The following NDRG1 variants were observed in gnomAD, a reference collection of about 807,000 sequenced individuals.
NDRG1 encodes N-myc downstream regulated 1, also known as protein NDRG1.
A neutral mutation model predicts 56.9 loss-of-function variants in NDRG1; 32 were observed. The ratio of observed to expected loss-of-function variants is 0.56; its 90% CI spans 0.42 to 0.76. The LOEUF is 0.76. Ranked by LOEUF, NDRG1 falls within the 30% of genes least tolerant of loss-of-function variation. The probability of loss-of-function intolerance (pLI) is 0.00; values close to 1 mark genes in which losing one functional copy is unlikely to be tolerated. For missense variants in NDRG1, 507 were observed against 545.7 expected, an observed-to-expected ratio of 0.93 and a Z score of 0.71; for synonymous variants, 211 against 204.1, an observed-to-expected ratio of 1.03 and a Z score of -0.29.
chr8:133,238,911 G>A lies in NDRG1; in HGVS notation c.1152C>T (p.Ser384=), dbSNP rs863224413. 8.7e-5 allele frequency: 135 copies of A among 1,559,838 alleles called. 1 individual carries two copies. The highest frequency in any genetic ancestry group is 1.1e-4 in the Non-Finnish European group (126 of 1,152,586). ...ITPNSGAAGN[S]AGPKSMEVSC ...AGACCTCCATGGACTTGGGCCCGGC[G>A]CTGTTCCCAGCAGCACCCGAGTTGG... The change falls in exon 16 of 16, where the codon AGC becomes AGT. Residue 384 remains serine (S), a synonymous_variant. Coordinates refer to ENST00000323851, the MANE Select transcript of NDRG1 (RefSeq NM_006096.4).
chr8:133,262,760 G>A (rs1256692212), intron 4 of NDRG1, among the ~76,000 whole-genome samples: 1 of 152,150 alleles, frequency 6.6e-6, no homozygotes, highest in Non-Finnish European at 1.5e-5. Flanking sequence ...GCAGCCATGT[G>A]ATCTGTTTCT....
intron 3 of NDRG1, among the ~76,000 whole-genome samples, chr8:133,275,907 T>C (rs746543327): frequency 6.6e-6 from 1 of 152,240 alleles, no homozygotes; most frequent in Non-Finnish European, 1.5e-5. Context: ...TCGGCAGTGC[T>C]GAGCTATTAT....
intron 5 of NDRG1, 62 bp from the exon 6 acceptor site, chr8:133,259,292 G>C: frequency 6.5e-7 from 1 of 1,530,522 alleles, no homozygotes; most frequent in East Asian, 2.2e-5. Context: ...ATCCAAACAG[G>C]GACACGCTTG....
intron 8 of NDRG1, chr8:133,255,290 A>C (rs1487579880): frequency 2.2e-6 from 1 of 456,284 alleles, no homozygotes; most frequent in East Asian, 6.9e-5. Context: ...CAGACTTCTA[A>C]TCTGGAACTG....
intron 6 of NDRG1, among the ~76,000 whole-genome samples, chr8:133,258,798 G>A (rs1856517675): frequency 6.6e-6 from 1 of 152,310 alleles, no homozygotes; most frequent in African/African-American, 2.4e-5. Flanking sequence ...AAGAGCTCAA[G>A]ACAGAGAGGA....
intron 3 of NDRG1, among the ~76,000 whole-genome samples, chr8:133,274,140 G>A (rs1477018928): frequency 6.6e-6 from 1 of 152,120 alleles, no homozygotes; most frequent in Non-Finnish European, 1.5e-5. Context: ...ACATCACCCA[G>A]GACAAAACAA....
chr8:133,271,541 T>C (rs764677443), intron 3 of NDRG1, among the ~76,000 whole-genome samples: 6 of 151,832 alleles, frequency 4.0e-5, no homozygotes, highest in Non-Finnish European at 8.8e-5. Flanking sequence ...GTAACAAACA[T>C]AGGCTAGGTG....
At chr8:133,240,033 G>A (rs1855294242) in intron 15 of NDRG1, 1 of 152,376 alleles carries the variant, frequency 6.6e-6, no homozygotes. Context: ...GCAGCCACAA[G>A]CCACATAAAG....
At chr8:133,293,073 C>A (rs1858515059) in intron 1 of NDRG1, among the ~76,000 whole-genome samples, 1 of 152,128 alleles carries the variant, frequency 6.6e-6, no homozygotes, top group East Asian at 1.9e-4. Context: ...CCCGAGGGAG[C>A]CCAGGTTTCT....
At chr8:133,291,063 G>C (rs1290404477) in intron 1 of NDRG1, among the ~76,000 whole-genome samples, 1 of 152,118 alleles carries the variant, frequency 6.6e-6, no homozygotes, top group Admixed American at 6.5e-5. Context: ...CATTCCCTCG[G>C]GGGAGGGCGG....
intron 9 of NDRG1, 142 bp downstream of exon 9, chr8:133,254,397 C>T (rs1856251907): frequency 2.8e-6 from 2 of 707,626 alleles, no homozygotes; most frequent in South Asian, 1.9e-5. Context: ...TGAATAATGT[C>T]ACATTATCTC....
rs543073378 is a variant in NDRG1, at chr8:133,248,695, G to C, written c.755+20C>G. 1 of 1,614,166 alleles carries C rather than the reference G, an allele frequency of 6.2e-7. No individual in the cohort carries two copies. The highest frequency in any genetic ancestry group is 1.3e-5 in the African/African-American group (1 of 75,054). Reference sequence around the variant, plus strand: ...GGGCAGCCCCGACTGCAAGTGCTGGGGGAGAGAAAAGCCACTCACTGCAGG... The same window carrying C: ...GGGCAGCCCCGACTGCAAGTGCTGGCGGAGAGAAAAGCCACTCACTGCAGG... On this transcript the variant is annotated intron_variant, in intron 11 of 15. Coordinates refer to ENST00000323851, the MANE Select transcript of NDRG1 (RefSeq NM_006096.4).
At chr8:133,296,885 AG>A (rs928356180) in intron 1 of NDRG1, 3 of 216,240 alleles carry the variant, frequency 1.4e-5, no homozygotes, top group African/African-American at 7.0e-5. Context: ...ATCCCCAGCT[AG>A]GGGGGAGATG....
At chr8:133,256,897 C>T in intron 7 of NDRG1, 34 bp from the exon 8 acceptor site, 1 of 1,593,548 alleles carries the variant, frequency 6.3e-7, no homozygotes, top group Non-Finnish European at 8.6e-7. Context: ...GACAGACATC[C>T]CAGCAATCTG....
intron 5 of NDRG1, 98 bp from the exon 6 acceptor site, chr8:133,259,328 GC>G: frequency 7.9e-7 from 1 of 1,260,310 alleles, no homozygotes; most frequent in South Asian, 1.2e-5. Flanking sequence ...GCAGCAGCCT[GC>G]CCCATGCACC....
rs778902905 is a variant in NDRG1 at position 133,256,831 on chromosome 8, G to T, written c.483C>A (p.Val161=). The T allele has an allele frequency of 6.2e-7, 1 of 1,614,170 alleles. No homozygotes were observed. Among genetic ancestry groups the T allele is most frequent in the Non-Finnish European group, 8.5e-7 (1 of 1,180,032 alleles). The change falls in exon 8 of 16, where the codon GTC becomes GTA. Residue 161 remains valine, a synonymous_variant. Coordinates refer to ENST00000323851, the MANE Select transcript of NDRG1 (RefSeq NM_006096.4). ...LNNPEMVEGL[V]LINVNPCAEG... ...CCGCACAAGGGTTCACGTTGATAAG[G>T]ACAAGGCCCTCCACCATCTCAGGGT...
At chr8:133,246,042 A>G (rs1026555002) in intron 13 of NDRG1, among the ~76,000 whole-genome samples, 5 of 152,228 alleles carry the variant, frequency 3.3e-5, no homozygotes, top group Non-Finnish European at 7.4e-5. Flanking sequence ...CTGCCCCTGC[A>G]GGGGTGCACC....
At chr8:133,265,936 A>G (rs895768831) in intron 3 of NDRG1, among the ~76,000 whole-genome samples, 2 of 152,184 alleles carry the variant, frequency 1.3e-5, no homozygotes, top group African/African-American at 4.8e-5. Flanking sequence ...CACATCTGAG[A>G]GCAGTGACCT....
Position 133,248,822 on chromosome 8 carries a change from T to G in NDRG1, c.699-51A>C, listed in dbSNP as rs2233335. On this transcript the variant is annotated intron_variant, in intron 10 of 15. Coordinates refer to ENST00000323851, the MANE Select transcript of NDRG1 (RefSeq NM_006096.4). ...CATGAGGACCCCTCCCCTGGAGAAATCTCCCACTCCCATCCAGCCAAGCCC... is the reference window on the plus strand; with the variant it reads ...CATGAGGACCCCTCCCCTGGAGAAAGCTCCCACTCCCATCCAGCCAAGCCC... 561,480 of 1,607,212 alleles carry G rather than the reference T, an allele frequency of 0.35. 101,768 individuals are homozygous for G. Among genetic ancestry groups the G allele is most frequent in the Middle Eastern group, 0.4 (2,342 of 5,800 alleles).
Sources: gnomAD v4.1 joint callset for allele counts (sites outside exome capture counted in the v4.1 genomes callset) on GRCh38, gnomAD v4.1.1 for gene constraint, MANE v1.5 for transcripts, NCBI Gene and HGNC (gene_info 2026-07-23, HGNC 2026-07-21) for gene names.